Variants in FAM171A1 observed in about 807,000 individuals in gnomAD.
FAM171A1 encodes protein FAM171A1.
A neutral mutation model predicts 74.9 loss-of-function variants in FAM171A1; 23 were observed. That is an observed-to-expected ratio of 0.31 (90% confidence interval 0.22 to 0.44). FAM171A1 has a LOEUF of 0.44. FAM171A1 is among the 20% of genes least tolerant of loss of function. FAM171A1 has a pLI of 1.00. For missense variants in FAM171A1, 1,162 were observed against 1,159.2 expected (o/e 1.00, Z -0.03); for synonymous variants, 527 against 505.7 (o/e 1.04, Z -0.57).
In FAM171A1 at chr10:15,370,242, T is replaced by TC. The variant is rs1266339296; in HGVS notation, c.97+713_97+714insG. ...AAACTGATCTGGAAAGGATTTTTCT[T>TC]TTTTTTTTTTTTTTTTTTGGTGAGC... On this transcript the variant is annotated intron_variant, in intron 1 of 7. Transcript: ENST00000378116. Among the ~76,000 whole-genome samples, 279 of 37,182 alleles carry TC rather than the reference T, an allele frequency of 7.5e-3. 2 individuals are homozygous for TC. Among genetic ancestry groups the TC allele is most frequent in the African/African-American group, 0.016 (260 of 16,700 alleles). 24.4% of individuals were successfully genotyped at this position (37,182 alleles called of 152,430 possible).
At chr10:15,326,481 A>C (rs1366345760) in intron 1 of FAM171A1, among the ~76,000 whole-genome samples, 1 of 151,162 alleles carries the variant, frequency 6.6e-6, no homozygotes, top group African/African-American at 2.4e-5. Flanking sequence ...CTCCCGGCTA[A>C]TTTCTGTATT....
chr10:15,272,786 A>G (rs908028921), intron 3 of FAM171A1, among the ~76,000 whole-genome samples: 1 of 152,234 alleles, frequency 6.6e-6, no homozygotes, highest in African/African-American at 2.4e-5. Context: ...CTGCTCCTGA[A>G]TGACTACTGG....
In FAM171A1 at chr10:15,213,443, C is replaced by T. The variant is rs1320735774; in HGVS notation, c.2145G>A (p.Arg715=). The T allele has an allele frequency of 8.7e-6, 14 of 1,614,070 alleles. No homozygotes were observed. The highest frequency in any genetic ancestry group is 5.1e-6 in the Non-Finnish European group (6 of 1,180,048). ...ATGAATGTCTAACGTGAGCGTTGGA[C>T]CTGCCATCCAAGGAGACGAACCACG... The part of the protein sequence containing the change: ...PRAWFVSLDG[R]SNAHVRHSYI... Residue 715 remains arginine, a synonymous_variant, in exon 8 of 8, where the codon AGG becomes AGA. Coordinates refer to ENST00000378116, the MANE Select transcript of FAM171A1 (RefSeq NM_001010924.2). The surrounding 1 kb of genome is among the most constrained non-coding windows in gnomAD (Gnocchi z 6.8).
At chr10:15,314,090 C>T (rs767615509) in intron 1 of FAM171A1, among the ~76,000 whole-genome samples, 1 of 152,190 alleles carries the variant, frequency 6.6e-6, no homozygotes, top group African/African-American at 2.4e-5. Context: ...CTGCCAGAAC[C>T]CCATAATGTG....
At chr10:15,268,548 T>C (rs1834778226) in intron 3 of FAM171A1, among the ~76,000 whole-genome samples, 1 of 151,956 alleles carries the variant, frequency 6.6e-6, no homozygotes, top group South Asian at 2.1e-4. Flanking sequence ...CCATACTGAG[T>C]TGGAGGTGCC....
chr10:15,368,562 ATTGAACTT>A (rs1321989842), intron 1 of FAM171A1, among the ~76,000 whole-genome samples: 4 of 152,228 alleles, frequency 2.6e-5, no homozygotes, highest in Non-Finnish European at 5.9e-5. Flanking sequence ...GAAGGTAAAC[ATTGAACTT>A]TTCTTCTTAA....
intron 1 of FAM171A1, among the ~76,000 whole-genome samples, chr10:15,304,259 T>G (rs1208785046): frequency 6.6e-6 from 1 of 152,212 alleles, no homozygotes; most frequent in African/African-American, 2.4e-5. Flanking sequence ...TCTCTAATTT[T>G]GATGCTTTGA....
intron 4 of FAM171A1, 139 bp downstream of exon 4, chr10:15,254,582 A>G (rs1423002611): frequency 9.9e-6 from 9 of 910,436 alleles, no homozygotes; most frequent in South Asian, 3.6e-5. Context: ...AAGCACTTGA[A>G]CTTGTACCAA....
intron 1 of FAM171A1, among the ~76,000 whole-genome samples, chr10:15,312,481 G>T (rs1351442047): frequency 1.3e-5 from 2 of 151,620 alleles, no homozygotes; most frequent in Admixed American, 1.3e-4. Flanking sequence ...GGGCAACACT[G>T]GGGGTATGCA....
intron 4 of FAM171A1, among the ~76,000 whole-genome samples, chr10:15,252,810 T>C (rs139715519): frequency 6.6e-6 from 1 of 152,248 alleles, no homozygotes; most frequent in East Asian, 1.9e-4. Context: ...CTAAAATCAA[T>C]AGTTCTGTGT....
chr10:15,295,783 C>T (rs1374257462), intron 1 of FAM171A1, among the ~76,000 whole-genome samples: 1 of 152,220 alleles, frequency 6.6e-6, no homozygotes, highest in East Asian at 1.9e-4. Context: ...CCAAGTAGCC[C>T]AGCACTCCTG....
At chr10:15,342,901 T>C (rs192998657) in intron 1 of FAM171A1, among the ~76,000 whole-genome samples, 3 of 152,218 alleles carry the variant, frequency 2.0e-5, no homozygotes, top group Admixed American at 2.0e-4. Context: ...AGACCGACCT[T>C]GGAGTCATGG....
At chr10:15,350,295 T>G (rs991096323) in intron 1 of FAM171A1, among the ~76,000 whole-genome samples, 1 of 152,006 alleles carries the variant, frequency 6.6e-6, no homozygotes, top group African/African-American at 2.4e-5. Context: ...CATGTGGTCT[T>G]GAAAGCACCT....
In FAM171A1 at chr10:15,211,867, T is replaced by C. The variant is rs1177177985; in HGVS notation, c.*1048A>G. On this transcript the variant is annotated 3_prime_UTR_variant, in exon 8 of 8. Coordinates refer to ENST00000378116, the MANE Select transcript of FAM171A1 (RefSeq NM_001010924.2). ...CCCATAGGATTCCAGAGTTAATACG[T>C]AACCGTATATACAAACAGCCAAAAA... 6.6e-6 allele frequency: 1 copy of C among 152,428 alleles called. No individual in the cohort carries two copies. Among genetic ancestry groups the C allele is most frequent in the East Asian group, 1.9e-4 (1 of 5,196 alleles). 9.4% of individuals were successfully genotyped at this position (152,428 alleles called of 1,614,324 possible). A position where few individuals can be genotyped will look rare whatever the true frequency, so the allele number is the denominator to read the frequency against.
intron 1 of FAM171A1, among the ~76,000 whole-genome samples, chr10:15,369,928 C>G (rs754215410): frequency 3.7e-4 from 56 of 152,220 alleles, no homozygotes; most frequent in Non-Finnish European, 7.8e-4. Context: ...GAGACCTGAG[C>G]CCCCGGCAAG....
chr10:15,329,667 A>G (rs899844926), intron 1 of FAM171A1, among the ~76,000 whole-genome samples: 3 of 151,870 alleles, frequency 2.0e-5, no homozygotes, highest in Admixed American at 6.6e-5. Flanking sequence ...CTCAATAAGA[A>G]CAAGTAACAC....
chr10:15,245,961 C>A (rs1834427900), intron 5 of FAM171A1, among the ~76,000 whole-genome samples: 1 of 152,162 alleles, frequency 6.6e-6, no homozygotes, highest in African/African-American at 2.4e-5. Flanking sequence ...TTTCTTTATC[C>A]ATTTTCTTCC....
intron 1 of FAM171A1, among the ~76,000 whole-genome samples, chr10:15,328,175 G>A (rs1289535762): frequency 4.0e-5 from 6 of 151,514 alleles, no homozygotes; most frequent in Middle Eastern, 6.9e-3. Flanking sequence ...ATGGAGTTTC[G>A]CTCTTGTCGC....
chr10:15,255,363 G>A (rs1300165002), intron 3 of FAM171A1, among the ~76,000 whole-genome samples: 2 of 152,190 alleles, frequency 1.3e-5, no homozygotes, highest in African/African-American at 4.8e-5. Context: ...AATTAACAGT[G>A]CAACCTTGAA....
Sources: gnomAD v4.1 joint callset for allele counts (sites outside exome capture counted in the v4.1 genomes callset) on GRCh38, gnomAD v4.1.1 for gene constraint, Gnocchi (gnomAD v3.1) non-coding constraint, MANE v1.5 for transcripts, NCBI Gene and HGNC (gene_info 2026-07-23, HGNC 2026-07-21) for gene names.